Variants in RELL1 observed in about 807,000 individuals in gnomAD.
RELL1 encodes RELT like 1.
A neutral mutation model predicts 23.0 loss-of-function variants in RELL1; 10 were observed. The ratio of observed to expected loss-of-function variants is 0.43; its 90% confidence interval spans 0.27 to 0.74. The LOEUF (loss-of-function observed/expected upper bound fraction) is 0.74. RELL1 is among the 30% of genes least tolerant of loss of function. The pLI is 0.19. For missense variants in RELL1, 315 were observed against 364.4 expected, an observed-to-expected ratio of 0.86 and a Z score of 1.10; for synonymous variants, 146 against 146.8, an observed-to-expected ratio of 0.99 and a Z score of 0.04.
intron 1 of RELL1, among the ~76,000 whole-genome samples, chr4:37,669,782 G>T (rs1297526236): frequency 6.6e-6 from 1 of 152,130 alleles, no homozygotes; most frequent in Non-Finnish European, 1.5e-5. Flanking sequence ...TCCACTCAGG[G>T]TTAAATGGAT....
chr4:37,641,619 AAGAAAAGG>A (rs1261193766), intron 3 of RELL1, among the ~76,000 whole-genome samples: 1 of 152,180 alleles, frequency 6.6e-6, no homozygotes, highest in Non-Finnish European at 1.5e-5. Context: ...AAACTCCCTC[AAGAAAAGG>A]GAATATGTTC....
downstream of RELL1, among the ~76,000 whole-genome samples, chr4:37,610,514 G>T (rs574739848): frequency 7.9e-5 from 12 of 152,166 alleles, no homozygotes; most frequent in African/African-American, 2.9e-4. The surrounding 1 kb of genome is among the most constrained non-coding windows in gnomAD (Gnocchi z 4.1). Context: ...GTGATCACTT[G>T]ATATTTCAAG....
chr4:37,603,787 C>G (rs1276382400), intron 6 of RELL1, among the ~76,000 whole-genome samples: 1 of 152,178 alleles, frequency 6.6e-6, no homozygotes, highest in African/African-American at 2.4e-5. Flanking sequence ...AGAGGGAAAA[C>G]AGGCAGTGCT....
intron 6 of RELL1, among the ~76,000 whole-genome samples, chr4:37,592,993 C>T (rs1249921943): frequency 6.6e-6 from 1 of 152,162 alleles, no homozygotes; most frequent in Non-Finnish European, 1.5e-5. Flanking sequence ...GGACGGCACC[C>T]TTACAAATGC....
chr4:37,647,596 C>G (rs1243817740), intron 2 of RELL1, among the ~76,000 whole-genome samples, 157 bp from the exon 3 acceptor site: 2 of 152,222 alleles, frequency 1.3e-5, no homozygotes, highest in East Asian at 3.8e-4. Context: ...CAGCCCCAAA[C>G]TTCCTAATGC....
chr4:37,683,803 CG>C (rs1282050689), intron 1 of RELL1, among the ~76,000 whole-genome samples: 1 of 143,408 alleles, frequency 7.0e-6, no homozygotes, highest in Non-Finnish European at 1.5e-5. Context: ...AAAATGCGGC[CG>C]GGCGCGGTGG....
intron 1 of RELL1, among the ~76,000 whole-genome samples, chr4:37,656,798 G>A (rs1355637639): frequency 6.6e-6 from 1 of 152,220 alleles, no homozygotes; most frequent in Non-Finnish European, 1.5e-5. Context: ...CTCACCATGT[G>A]ATTTCTTCCA....
intron 3 of RELL1, among the ~76,000 whole-genome samples, chr4:37,644,617 G>A (rs922608074): frequency 2.6e-5 from 4 of 151,412 alleles, no homozygotes; most frequent in Middle Eastern, 3.4e-3. Context: ...GCACCACCAC[G>A]CCCAGCTAAT....
At chr4:37,645,071 T>G (rs1247255879) in intron 3 of RELL1, among the ~76,000 whole-genome samples, 1 of 152,182 alleles carries the variant, frequency 6.6e-6, no homozygotes, top group African/African-American at 2.4e-5. Context: ...GCCCAGCACA[T>G]AGCAAACCCT....
intron 5 of RELL1, among the ~76,000 whole-genome samples, chr4:37,634,441 T>C (rs563936695): frequency 6.6e-6 from 1 of 152,338 alleles, no homozygotes; most frequent in South Asian, 2.1e-4. Flanking sequence ...CTCTCAGGCC[T>C]AGCTCTTTCA....
intron 4 of RELL1, among the ~76,000 whole-genome samples, chr4:37,637,509 C>T (rs990985920): frequency 3.9e-5 from 6 of 152,206 alleles, no homozygotes; most frequent in African/African-American, 1.4e-4. Flanking sequence ...TTGTCTCCAC[C>T]TCCTGCACGC....
At chr4:37,590,909 G>T in exon 7 of RELL1, 1 of 1,614,242 alleles carries the variant, frequency 6.2e-7, no homozygotes, top group South Asian at 1.1e-5. Flanking sequence ...GATGGGGATG[G>T]GGAGATTGTG....
chr4:37,650,736 A>G (rs997294184), intron 1 of RELL1, among the ~76,000 whole-genome samples: 2 of 150,502 alleles, frequency 1.3e-5, no homozygotes, highest in Non-Finnish European at 2.9e-5. Flanking sequence ...GGGACTCCAG[A>G]AAGCAGTGAG....
At chr4:37,607,579 CTTTTT>C (rs59939694), downstream of RELL1, among the ~76,000 whole-genome samples, 4 of 113,956 alleles carry the variant, frequency 3.5e-5, no homozygotes, top group Non-Finnish European at 3.7e-5. Flanking sequence ...TCTTTCTTTT[CTTTTT>C]TTTTTTTTTT....
intron 1 of RELL1, among the ~76,000 whole-genome samples, chr4:37,653,235 T>G (rs145198841): frequency 4.4e-3 from 663 of 152,214 alleles, no homozygotes; most frequent in Admixed American, 9.2e-3. Flanking sequence ...CTGACATAAT[T>G]GACTATTACC....
At chr4:37,605,829 AAGAAAG>A (rs1719189273), downstream of RELL1, among the ~76,000 whole-genome samples, 1 of 122,936 alleles carries the variant, frequency 8.1e-6, no homozygotes, top group African/African-American at 2.6e-5. Flanking sequence ...GAAAGAAAGA[AAGAAAG>A]AAAGAAAGAA....
chr4:37,634,269 C>A (rs535080536), intron 5 of RELL1, among the ~76,000 whole-genome samples: 1 of 152,260 alleles, frequency 6.6e-6, no homozygotes, highest in Non-Finnish European at 1.5e-5. Context: ...AAGCAATTCA[C>A]ATGGAACTTA....
At chr4:37,603,409 T>C (rs1358495446) in intron 6 of RELL1, among the ~76,000 whole-genome samples, 2 of 152,196 alleles carry the variant, frequency 1.3e-5, no homozygotes, top group African/African-American at 2.4e-5. Flanking sequence ...GAGGGAATCC[T>C]TGGGTAGAAC....
intron 1 of RELL1, among the ~76,000 whole-genome samples, chr4:37,663,379 CAAGA>C (rs562489216): frequency 1.4e-4 from 21 of 152,312 alleles, no homozygotes; most frequent in African/African-American, 5.1e-4. Context: ...TATGTCCACT[CAAGA>C]AAGAAATGGA....
Sources: gnomAD v4.1 joint callset for allele counts (sites outside exome capture counted in the v4.1 genomes callset) on GRCh38, gnomAD v4.1.1 for gene constraint, Gnocchi (gnomAD v3.1) non-coding constraint, MANE v1.5 for transcripts, NCBI Gene and HGNC (gene_info 2026-07-23, HGNC 2026-07-21) for gene names.